Variants in ZNF587 observed in about 807,000 individuals in gnomAD.
ZNF587 encodes the protein zinc finger protein zfp6.
A neutral mutation model predicts 7.5 loss-of-function variants in ZNF587; 8 were observed. The ratio of observed to expected loss-of-function variants is 1.06; its 90% CI spans 0.62 to 1.92. ZNF587 has a LOEUF of 1.92. ZNF587 is among the 40% of genes most tolerant of loss of function. ZNF587 has a pLI of 0.00. For missense variants in ZNF587, 468 were observed against 692.8 expected (o/e 0.68, Z 3.64); for synonymous variants, 145 against 237.8 (o/e 0.61, Z 3.59).
chr19:57,858,404 G>C, intron 2 of ZNF587, 172 bp from the exon 3 acceptor site: 1 of 1,360,810 alleles, frequency 7.3e-7, no homozygotes, highest in Non-Finnish European at 9.8e-7. Flanking sequence ...TGGGATTACA[G>C]GTGTGAGCCA....
In ZNF587 at chr19:57,861,525, T is replaced by G. The variant is rs2071431832; in HGVS notation, c.*1385T>G. ...TTTGTATTTTCTGTAGAGAGGGTTT[T>G]ACCTTTTTGCCCAGTCTGATCGCGA... On this transcript the variant is annotated 3_prime_UTR_variant, in exon 3 of 3. Coordinates refer to ENST00000339656, the MANE Select transcript of ZNF587 (RefSeq NM_032828.4). 6.6e-6 allele frequency: 1 copy of G among 152,142 alleles called. No homozygotes were observed. Among genetic ancestry groups the G allele is most frequent in the African/African-American group, 2.4e-5 (1 of 41,428 alleles). 9.4% of individuals were successfully genotyped at this position (152,142 alleles called of 1,614,324 possible). A position where few individuals can be genotyped will look rare whatever the true frequency, so the allele number is the denominator to read the frequency against.
rs1474600559 is a variant in ZNF587 at position 57,863,646 on chromosome 19, G to A, written c.*3506G>A. The A allele has an allele frequency of 1.3e-5, 2 of 152,166 alleles. No homozygotes were observed. The highest frequency in any genetic ancestry group is 2.9e-5 in the Non-Finnish European group (2 of 68,026). 9.4% of individuals were successfully genotyped at this position (152,166 alleles called of 1,614,324 possible). ...CTCTGTTATTTTCCTAACATGCTTG[G>A]TGGATACAAGAGTTAAGACTTCCTG... On this transcript the variant is annotated 3_prime_UTR_variant, in exon 3 of 3. Coordinates refer to ENST00000339656, the MANE Select transcript of ZNF587 (RefSeq NM_032828.4).
intron 1 of ZNF587, among the ~76,000 whole-genome samples, chr19:57,854,816 G>C (rs2071330664): frequency 6.6e-6 from 1 of 151,888 alleles, no homozygotes; most frequent in Admixed American, 6.6e-5. Flanking sequence ...CAAGGCTGGT[G>C]GATCACTTGA....
chr19:57,860,418 A>ACCACCACGC lies in ZNF587; in HGVS notation c.*282_*290dup, dbSNP rs2071419918. ...TGAGTAGCTGGGATTATGAGTACAC[A>ACCACCACGC]CCACCACGCCCAGCTAATTTTTGTG... On this transcript the variant is annotated 3_prime_UTR_variant, in exon 3 of 3. Transcript: ENST00000339656. 1.9e-6 allele frequency: 1 copy of ACCACCACGC among 514,554 alleles called. No individual in the cohort carries two copies. Among genetic ancestry groups the ACCACCACGC allele is most frequent in the East Asian group, 3.6e-5 (1 of 28,152 alleles). The allele number at this position is 514,554 out of a possible 1,614,324, so 31.9% of individuals were successfully genotyped here. A position where few individuals can be genotyped will look rare whatever the true frequency, so the allele number is the denominator to read the frequency against.
In ZNF587 at chr19:57,860,047, A is replaced by G. The variant is rs775869086; in HGVS notation, c.1635A>G (p.Glu545=). The change falls in exon 3 of 3, where the codon GAA becomes GAG. Residue 545 remains glutamate, a synonymous_variant. Transcript: ENST00000339656. ...AACACAGGAGAATTCACACTGGAGA[A>G]AGGCCTTATGAATGCACCAAATGTG... ...LIKHRRIHTG[E]RPYECTKCGK... The G allele has an allele frequency of 3.7e-6, 6 of 1,614,172 alleles. No individual in the cohort carries two copies. The highest frequency in any genetic ancestry group is 5.1e-6 in the Non-Finnish European group (6 of 1,180,000).
In ZNF587 at chr19:57,861,881, T is replaced by G. The variant is rs1373380586; in HGVS notation, c.*1741T>G. 1.3e-5 allele frequency: 2 copies of G among 149,482 alleles called. No homozygotes were observed. The highest frequency in any genetic ancestry group is 4.9e-5 in the African/African-American group (2 of 40,810). 9.3% of individuals were successfully genotyped at this position (149,482 alleles called of 1,614,324 possible). On this transcript the variant is annotated 3_prime_UTR_variant, in exon 3 of 3. Transcript: ENST00000339656. ...TCCACCTCCTGTGTTCAAGCGATTC[T>G]GCCTCAGCCTCCTGAGTAGCTGGGA...
chr19:57,853,385 C>T (rs554254265), intron 1 of ZNF587, among the ~76,000 whole-genome samples: 2 of 152,272 alleles, frequency 1.3e-5, no homozygotes, highest in South Asian at 4.1e-4. Context: ...GATGGGGTAT[C>T]TGGGAGGGTG....
Position 57,863,575 on chromosome 19 carries a change from A to T in ZNF587, c.*3435A>T, listed in dbSNP as rs1178679060. The T allele has an allele frequency of 6.6e-6, 1 of 152,088 alleles. No individual in the cohort carries two copies. Among genetic ancestry groups the T allele is most frequent in the Non-Finnish European group, 1.5e-5 (1 of 68,024 alleles). The allele number at this position is 152,088 out of a possible 1,614,324, so 9.4% of individuals were successfully genotyped here. A position where few individuals can be genotyped will look rare whatever the true frequency, so the allele number is the denominator to read the frequency against. Reference sequence around the variant, plus strand: ...ACTTCTTGTCTTTGCAACATTTTTTAGATATGTATTTGTGTTTTTTGGGGA... The same window carrying T: ...ACTTCTTGTCTTTGCAACATTTTTTTGATATGTATTTGTGTTTTTTGGGGA... On this transcript the variant is annotated 3_prime_UTR_variant, in exon 3 of 3. Transcript: ENST00000339656.
chr19:57,861,220 T>C lies in ZNF587; in HGVS notation c.*1080T>C, dbSNP rs1195974066. 11 of 152,192 alleles carry C rather than the reference T, an allele frequency of 7.2e-5. No individual in the cohort carries two copies. The allele number at this position is 152,192 out of a possible 1,614,324, so 9.4% of individuals were successfully genotyped here. A position where few individuals can be genotyped will look rare whatever the true frequency, so the allele number is the denominator to read the frequency against. On this transcript the variant is annotated 3_prime_UTR_variant, in exon 3 of 3. Transcript: ENST00000339656. ...TGCTCATTTGTATATCTATCTACCA[T>C]CAGTGTCCAAGAATTTCTGTTCTAT...
chr19:57,852,331 A>C (rs866000298), intron 1 of ZNF587: 17 of 398,426 alleles, frequency 4.3e-5, no homozygotes, highest in Middle Eastern at 6.2e-4. Context: ...TCAGGAGGTG[A>C]TATTACCACA....
In ZNF587 at chr19:57,861,285, A is replaced by T. The variant is rs1422997518; in HGVS notation, c.*1145A>T. The T allele has an allele frequency of 2.6e-5, 4 of 151,824 alleles. No homozygotes were observed. Among genetic ancestry groups the T allele is most frequent in the Admixed American group, 2.0e-4 (3 of 15,230 alleles). 9.4% of individuals were successfully genotyped at this position (151,824 alleles called of 1,614,324 possible). On this transcript the variant is annotated 3_prime_UTR_variant, in exon 3 of 3. Transcript: ENST00000339656. The stretch of plus-strand genomic sequence containing the variant: ...GTATGGTTAGTATTTGAAATTGTTT[A>T]TTATTTTAATAAGTGGTTATAACTT...
rs748756938 is a variant in ZNF587 at position 57,856,209 on chromosome 19, A to T, written c.139A>T (p.Asn47Tyr). Reference sequence around the variant, plus strand: ...CTTGTACCGTGATGTGATGCTAGAGAACCTGGCTCTCATATCCTCGCTGGG... The same window carrying T: ...CTTGTACCGTGATGTGATGCTAGAGTACCTGGCTCTCATATCCTCGCTGGG... ...RCLYRDVMLE[N>Y]LALISSLGCW... The change falls in exon 2 of 3, where the codon AAC becomes TAC. Residue 47 changes from asparagine to tyrosine, a missense_variant. Around this residue, in one of 5 missense-constraint regions of ZNF587, gnomAD observed 92 missense variants for 89.7 expected, o/e 1.03. Coordinates refer to ENST00000339656, the MANE Select transcript of ZNF587 (RefSeq NM_032828.4). 1.0e-5 allele frequency: 16 copies of T among 1,596,036 alleles called. No homozygotes were observed. Among genetic ancestry groups the T allele is most frequent in the Non-Finnish European group, 1.4e-5 (16 of 1,168,416 alleles).
intron 1 of ZNF587, among the ~76,000 whole-genome samples, chr19:57,853,170 A>C (rs2071304396): frequency 6.6e-6 from 1 of 152,186 alleles, no homozygotes; most frequent in Admixed American, 6.5e-5. Context: ...AGATTTTCTA[A>C]TGTGGATGAT....
intron 1 of ZNF587, among the ~76,000 whole-genome samples, chr19:57,854,479 G>T (rs2071324891): frequency 6.6e-6 from 1 of 151,874 alleles, no homozygotes. Context: ...AGAATTGAAG[G>T]CCCAATATGA....
chr19:57,860,115 G>T lies in ZNF587; in HGVS notation c.1703G>T (p.Ser568Ile), dbSNP rs1180901996. The T allele has an allele frequency of 6.2e-7, 1 of 1,613,312 alleles. No individual in the cohort carries two copies. Among genetic ancestry groups the T allele is most frequent in the Admixed American group, 1.7e-5 (1 of 59,976 alleles). Reference sequence around the variant, plus strand: ...AGCTCTACCCTCCTTCATCATCAGAGTTCACACAGGAGAAAGGCCTTATGA... The same window carrying T: ...AGCTCTACCCTCCTTCATCATCAGATTTCACACAGGAGAAAGGCCTTATGA... The part of the protein sequence containing the change: ...QRSSTLLHHQ[S>I]SHRRKAL The change falls in exon 3 of 3, where the codon AGT (serine) becomes ATT (isoleucine). Residue 568 changes from serine (S) to isoleucine (I), a missense_variant. Ser to Ile is a moderately radical substitution (Grantham distance 142, BLOSUM62 -2). Around this residue, in one of 5 missense-constraint regions of ZNF587, gnomAD observed 310 missense variants for 325.6 expected, o/e 0.95. Transcript: ENST00000339656.
At chr19:57,856,270 G>C in intron 2 of ZNF587, 37 bp downstream of exon 2, 3 of 1,539,562 alleles carry the variant, frequency 1.9e-6, no homozygotes, top group Non-Finnish European at 2.6e-6. Flanking sequence ...ACCTGAGCTA[G>C]TGTTACTGTT....
chr19:57,850,423 G>C, intron 1 of ZNF587: 1 of 554,406 alleles, frequency 1.8e-6, no homozygotes, highest in South Asian at 2.6e-5. Context: ...GGGGAGTGCT[G>C]ATCAGTCTGG....
At position 57,860,087 on chromosome 19, in the gene ZNF587, C is replaced by T. The variant is rs746496355; in HGVS notation, c.1675C>T (p.Arg559Ter). Residue 559 changes from arginine to a stop codon, truncating the protein, a stop_gained, in exon 3 of 3, where the codon CGA becomes TGA. Coordinates refer to ENST00000339656, the MANE Select transcript of ZNF587 (RefSeq NM_032828.4). LOFTEE classifies it low-confidence loss of function (END_TRUNC). ...ECTKCGKTFQ[R>*]SSTLLHHQSS... ...CACCAAATGTGGAAAAACATTTCAG[C>T]GAAGCTCTACCCTCCTTCATCATCA... 7.4e-6 allele frequency: 12 copies of T among 1,613,176 alleles called. No homozygotes were observed. The highest frequency in any genetic ancestry group is 2.2e-5 in the East Asian group (1 of 44,870).
Position 57,860,797 on chromosome 19 carries a change from T to C in ZNF587, c.*657T>C, listed in dbSNP as rs79988028. On this transcript the variant is annotated 3_prime_UTR_variant, in exon 3 of 3. Coordinates refer to ENST00000339656, the MANE Select transcript of ZNF587 (RefSeq NM_032828.4). ...TGCTATATTTGAATGCAGTTGTTCA[T>C]GTAGGTATGTTTCACTATGGTAATA... 28 of 153,530 alleles carry C rather than the reference T, an allele frequency of 1.8e-4. No homozygotes were observed. The East Asian group carries it at 5.4e-3, about 30-fold the overall frequency. The allele number at this position is 153,530 out of a possible 1,614,324, so 9.5% of individuals were successfully genotyped here. A position where few individuals can be genotyped will look rare whatever the true frequency, so the allele number is the denominator to read the frequency against.
Sources: allele counts gnomAD v4.1 joint callset (sites outside exome capture counted in the v4.1 genomes callset), GRCh38; gene constraint gnomAD v4.1.1; regional missense constraint gnomAD v4.1.1; transcripts MANE v1.5; gene names NCBI Gene and HGNC (gene_info 2026-07-23, HGNC 2026-07-21).